The following ZNF717 variants were observed in gnomAD, a reference collection of about 807,000 sequenced individuals.
The protein encoded by ZNF717 is zinc finger protein 717, also known as krueppel-like factor X17.
A neutral mutation model predicts 13.8 loss-of-function variants in ZNF717; 9 were observed. The observed-to-expected ratio is 0.65, with a 90% CI of 0.39 to 1.14. The LOEUF is 1.14. Ranked by LOEUF, ZNF717 falls within the 50% of genes most tolerant of loss-of-function variation. The pLI is 0.01. For synonymous variants in ZNF717, 327 were observed against 364.1 expected (o/e 0.90, Z 1.16); for missense variants, 1,040 against 1,080.7 (o/e 0.96, Z 0.53).
At chr3:75,778,549 G>A (rs568289145) in intron 2 of ZNF717, among the ~76,000 whole-genome samples, 4 of 151,694 alleles carry the variant, frequency 2.6e-5, no homozygotes, top group African/African-American at 9.6e-5. Flanking sequence ...CAAAACAGTG[G>A]GAGTGACATG....
chr3:75,726,341 G>A (rs17013575), downstream of ZNF717, among the ~76,000 whole-genome samples: 796 of 152,374 alleles, frequency 5.2e-3, 5 homozygotes, highest in African/African-American at 0.019. Context: ...TATTTAGTTA[G>A]GACAGGCACA....
downstream of ZNF717, among the ~76,000 whole-genome samples, chr3:75,735,243 G>A (rs1939018429): frequency 6.6e-6 from 1 of 152,212 alleles, no homozygotes; most frequent in South Asian, 2.1e-4. Context: ...CTATTAGAAG[G>A]CAGTCGAAGT....
At chr3:75,764,080 G>A (rs1397929641) in intron 2 of ZNF717, among the ~76,000 whole-genome samples, 1 of 152,184 alleles carries the variant, frequency 6.6e-6, no homozygotes, top group African/African-American at 2.4e-5. Context: ...CCCTACACAG[G>A]ATTCCCAGAT....
At chr3:75,770,655 A>C (rs1344608877) in intron 2 of ZNF717, among the ~76,000 whole-genome samples, 2 of 152,256 alleles carry the variant, frequency 1.3e-5, no homozygotes, top group African/African-American at 2.4e-5. Flanking sequence ...AAAGCCCAGA[A>C]GAAATCCCAT....
At chr3:75,701,939 T>G (rs1408929419) in intron 6 of ZNF717, among the ~76,000 whole-genome samples, 12 of 152,330 alleles carry the variant, frequency 7.9e-5, no homozygotes, top group African/African-American at 2.6e-4. Context: ...TGAGATATCA[T>G]TTCACCCCAG....
intron 4 of ZNF717, among the ~76,000 whole-genome samples, chr3:75,721,345 G>A (rs1938161421): frequency 2.0e-5 from 3 of 152,156 alleles, no homozygotes; most frequent in African/African-American, 7.2e-5. Context: ...GCAGTCGCAC[G>A]ATCTCAGCTC....
intron 2 of ZNF717, among the ~76,000 whole-genome samples, chr3:75,742,289 A>T (rs1940571386): frequency 6.7e-6 from 1 of 149,338 alleles, no homozygotes; most frequent in African/African-American, 2.5e-5. Context: ...ACACCACTGC[A>T]CTCCAGCCTG....
chr3:75,775,368 A>T (rs1429818071), intron 2 of ZNF717, among the ~76,000 whole-genome samples: 2 of 152,250 alleles, frequency 1.3e-5, no homozygotes, highest in African/African-American at 4.8e-5. Flanking sequence ...TTAATTGCTT[A>T]ATGGTGATGC....
intron 6 of ZNF717, among the ~76,000 whole-genome samples, chr3:75,697,151 T>C (rs1937612771): frequency 6.6e-6 from 1 of 152,312 alleles, no homozygotes; most frequent in East Asian, 1.9e-4. Context: ...ACCACTGTTA[T>C]TCAACATAAT....
intron 2 of ZNF717, among the ~76,000 whole-genome samples, chr3:75,767,354 C>G (rs1943561119): frequency 6.6e-6 from 1 of 152,190 alleles, no homozygotes; most frequent in African/African-American, 2.4e-5. Context: ...GCCAACAAGA[C>G]TCTCTAAGCC....
chr3:75,745,880 T>TA (rs370249319), intron 2 of ZNF717, among the ~76,000 whole-genome samples: 7 of 151,188 alleles, frequency 4.6e-5, no homozygotes, highest in African/African-American at 9.7e-5. Context: ...TTTATATATA[T>TA]TTTTTTATTA....
At chr3:75,704,570 A>G (rs1319651805) in intron 6 of ZNF717, among the ~76,000 whole-genome samples, 2 of 152,416 alleles carry the variant, frequency 1.3e-5, no homozygotes, top group East Asian at 3.9e-4. Flanking sequence ...TATTCAGATT[A>G]GAGGCCAAGC....
intron 5 of ZNF717, among the ~76,000 whole-genome samples, chr3:75,711,947 T>C (rs1443901408): frequency 1.3e-5 from 2 of 152,268 alleles, no homozygotes; most frequent in Admixed American, 1.3e-4. Context: ...TTTTATTTCA[T>C]GCAACCAGAA....
intron 4 of ZNF717, among the ~76,000 whole-genome samples, chr3:75,722,183 C>T (rs1247391466): frequency 6.6e-6 from 1 of 151,946 alleles, no homozygotes; most frequent in East Asian, 1.9e-4. Flanking sequence ...TCACTTGAAC[C>T]AAGGAGGTGG....
intron 2 of ZNF717, among the ~76,000 whole-genome samples, chr3:75,760,038 T>A (rs1424224177): frequency 2.1e-5 from 3 of 143,312 alleles, no homozygotes; most frequent in Non-Finnish European, 3.1e-5. Flanking sequence ...TTCTTTCTTC[T>A]TTTTTTTTGA....
Position 75,738,077 on chromosome 3 carries a change from A to T in ZNF717, c.1546T>A (p.Phe516Ile). The change falls in exon 5 of 5, where the codon TTT becomes ATT. Residue 516 changes from phenylalanine to isoleucine, a missense_variant. Physicochemically the swap from Phe to Ile is conservative, Grantham distance 21 (BLOSUM62 0). Coordinates refer to ENST00000652011, the MANE Select transcript of ZNF717 (RefSeq NM_001290208.3). Reference protein sequence around the residue: ...PYECNECGKTFRCKSFLTVHQ... With the variant: ...PYECNECGKTIRCKSFLTVHQ... ...ACAGTGAGGAATGACTTACAGCGAA[A>T]GGTTTTCCCACATTCATTGCATTCG... 7.4e-7 allele frequency: 1 copy of T among 1,347,390 alleles called. No homozygotes were observed. The highest frequency in any genetic ancestry group is 9.9e-7 in the Non-Finnish European group (1 of 1,009,070). The allele number at this position is 1,347,390 out of a possible 1,614,324, so 83.5% of individuals were successfully genotyped here. A position where few individuals can be genotyped will look rare whatever the true frequency, so the allele number is the denominator to read the frequency against.
At chr3:75,707,656 C>T (rs1937833580), downstream of ZNF717, among the ~76,000 whole-genome samples, 1 of 152,150 alleles carries the variant, frequency 6.6e-6, no homozygotes, top group Admixed American at 6.5e-5. Flanking sequence ...TGAGGCATTG[C>T]CTCACTCAGG....
At chr3:75,733,703 C>T (rs74623470), downstream of ZNF717, among the ~76,000 whole-genome samples, 1 of 134,440 alleles carries the variant, frequency 7.4e-6, no homozygotes, top group Non-Finnish European at 1.5e-5. Context: ...GGTATGAACC[C>T]GGGAGGCAGA....
chr3:75,697,491 C>T (rs1318635718), intron 6 of ZNF717, among the ~76,000 whole-genome samples: 1 of 152,302 alleles, frequency 6.6e-6, no homozygotes, highest in East Asian at 1.9e-4. Context: ...AAGTGTGTAA[C>T]AACTTGCACC....
Sources: allele counts gnomAD v4.1 joint callset (sites outside exome capture counted in the v4.1 genomes callset), GRCh38; gene constraint gnomAD v4.1.1; transcripts MANE v1.5; gene names NCBI Gene and HGNC (gene_info 2026-07-23, HGNC 2026-07-21).